Variants in DNAJC11 observed in about 807,000 individuals in gnomAD.
DNAJC11 encodes DnaJ heat shock protein family (Hsp40) member C11, also known as dnaJ homolog subfamily C member 11.
In DNAJC11, 15 loss-of-function variants were observed where a neutral mutation model predicts 78.6. The observed-to-expected ratio is 0.19, with a 90% confidence interval of 0.13 to 0.29. DNAJC11 has a LOEUF of 0.29. Ranked by LOEUF, DNAJC11 falls within the 10% of genes least tolerant of loss-of-function variation. The pLI is 1.00. For missense variants in DNAJC11, 547 were observed against 709.6 expected (o/e 0.77, Z 2.60); for synonymous variants, 292 against 272.1 (o/e 1.07, Z -0.72).
chr1:6,694,836 A>C (rs1280631726), intron 1 of DNAJC11, among the ~76,000 whole-genome samples: 2 of 151,184 alleles, frequency 1.3e-5, no homozygotes, highest in Non-Finnish European at 3.0e-5. Flanking sequence ...TTATCCAGGC[A>C]TGGTGGTGGG....
chr1:6,637,974 G>A (rs1360597429), intron 12 of DNAJC11: 5 of 386,192 alleles, frequency 1.3e-5, no homozygotes, highest in Non-Finnish European at 2.3e-5. Context: ...CCGCGCACAC[G>A]GCCCATGGCC....
At chr1:6,646,696 A>G (rs570698042) in intron 7 of DNAJC11, among the ~76,000 whole-genome samples, 54 of 152,250 alleles carry the variant, frequency 3.5e-4, no homozygotes, top group Admixed American at 3.9e-4. Context: ...GTCCAGCCCC[A>G]TCTTCTGGTT....
Position 6,635,503 on chromosome 1 carries a change from C to T in DNAJC11, c.*172G>A, listed in dbSNP as rs138818967. 7.1e-6 allele frequency: 5 copies of T among 699,840 alleles called. No homozygotes were observed. The highest frequency in any genetic ancestry group is 1.2e-5 in the Non-Finnish European group (5 of 422,308). 43.4% of individuals were successfully genotyped at this position (699,840 alleles called of 1,614,324 possible). ...GCTGCCTCAGTCCTACCCCCAGCACCCTCAAAAGCTGGGGTGTCTGCATGT... is the reference window on the plus strand; with the variant it reads ...GCTGCCTCAGTCCTACCCCCAGCACTCTCAAAAGCTGGGGTGTCTGCATGT... On this transcript the variant is annotated 3_prime_UTR_variant, in exon 16 of 16. Transcript: ENST00000377577.
At chr1:6,640,274 C>CA (rs982702911) in intron 10 of DNAJC11, among the ~76,000 whole-genome samples, 5 of 152,216 alleles carry the variant, frequency 3.3e-5, no homozygotes, top group African/African-American at 9.6e-5. Flanking sequence ...AGAAAGATCC[C>CA]AGTGTCTGCT....
At chr1:6,681,667 G>C (rs1642555167) in intron 1 of DNAJC11, among the ~76,000 whole-genome samples, 1 of 152,130 alleles carries the variant, frequency 6.6e-6, no homozygotes, top group Non-Finnish European at 1.5e-5. Flanking sequence ...TGAAGGTGTG[G>C]CACAAGGCAG....
At chr1:6,687,654 G>A (rs1275216015) in intron 1 of DNAJC11, among the ~76,000 whole-genome samples, 1 of 152,106 alleles carries the variant, frequency 6.6e-6, no homozygotes, top group African/African-American at 2.4e-5. Context: ...ACTGTGCCCG[G>A]CCACAGTTCC....
chr1:6,665,121 G>A (rs904663819), intron 4 of DNAJC11, among the ~76,000 whole-genome samples: 1 of 152,158 alleles, frequency 6.6e-6, no homozygotes, highest in Non-Finnish European at 1.5e-5. Flanking sequence ...CAGCTGGAGT[G>A]CAGTGGTGCA....
intron 10 of DNAJC11, among the ~76,000 whole-genome samples, chr1:6,641,102 T>C (rs535196833): frequency 6.6e-6 from 1 of 152,032 alleles, no homozygotes; most frequent in Admixed American, 6.6e-5. Context: ...CACTCAAAAC[T>C]TGGCCAGGCT....
chr1:6,681,476 G>C (rs1276915876), intron 1 of DNAJC11, among the ~76,000 whole-genome samples: 2 of 152,168 alleles, frequency 1.3e-5, no homozygotes, highest in Non-Finnish European at 2.9e-5. Flanking sequence ...ATGAATCCTT[G>C]AAATTCAAAG....
At chr1:6,700,919 C>T (rs780273956) in intron 1 of DNAJC11, among the ~76,000 whole-genome samples, 6 of 152,192 alleles carry the variant, frequency 3.9e-5, no homozygotes, top group Non-Finnish European at 8.8e-5. Flanking sequence ...CCTTCTCGCC[C>T]TTCACACCTA....
intron 1 of DNAJC11, among the ~76,000 whole-genome samples, chr1:6,684,227 C>A (rs1326283201): frequency 6.6e-6 from 1 of 152,046 alleles, no homozygotes; most frequent in Non-Finnish European, 1.5e-5. Context: ...ACTACAGGCG[C>A]ACGCCACCAT....
intron 4 of DNAJC11, among the ~76,000 whole-genome samples, chr1:6,661,369 G>A (rs891491753): frequency 3.3e-5 from 5 of 152,144 alleles, no homozygotes; most frequent in Admixed American, 2.6e-4. Flanking sequence ...TGTCCTCCCC[G>A]TATAAACAGT....
At position 6,634,352 on chromosome 1, in the gene DNAJC11, A is replaced by C; in HGVS notation, c.*1323T>G. The C allele has an allele frequency of 8.9e-7, 1 of 1,118,482 alleles. No homozygotes were observed. Among genetic ancestry groups the C allele is most frequent in the Non-Finnish European group, 1.2e-6 (1 of 832,102 alleles). 69.3% of individuals were successfully genotyped at this position (1,118,482 alleles called of 1,614,324 possible). A position where few individuals can be genotyped will look rare whatever the true frequency, so the allele number is the denominator to read the frequency against. On this transcript the variant is annotated 3_prime_UTR_variant, in exon 16 of 16. Coordinates refer to ENST00000377577, the MANE Select transcript of DNAJC11 (RefSeq NM_018198.4). ...GGGGCCGTCAGAGAAACCTTTTTAAAAAATGGAGATGAATGTTACAGAATT... is the reference window on the plus strand; with the variant it reads ...GGGGCCGTCAGAGAAACCTTTTTAACAAATGGAGATGAATGTTACAGAATT...
chr1:6,644,453 A>G (rs141874848), intron 10 of DNAJC11, 105 bp downstream of exon 10: 2 of 897,516 alleles, frequency 2.2e-6, no homozygotes, highest in African/African-American at 1.6e-5. Flanking sequence ...TGTCTTTAAG[A>G]ACAAAATTAC....
intron 1 of DNAJC11, among the ~76,000 whole-genome samples, chr1:6,700,024 G>T (rs1166722390): frequency 6.6e-6 from 1 of 152,144 alleles, no homozygotes; most frequent in African/African-American, 2.4e-5. Flanking sequence ...ATCCACAAAA[G>T]AAGTGAAAAT....
At chr1:6,688,905 T>C (rs1372164142) in intron 1 of DNAJC11, among the ~76,000 whole-genome samples, 1 of 152,228 alleles carries the variant, frequency 6.6e-6, no homozygotes, top group Non-Finnish European at 1.5e-5. Context: ...TAAGTACCAT[T>C]ATGTGCCTGG....
rs1256419708 is a variant in DNAJC11, at chr1:6,634,527, C to G, written c.*1148G>C. Reference sequence around the variant, plus strand: ...TTGGGGCCCCCCGCGCCAGCTGTCTCAGCCACCACCTGTGCGGCGCTTGCT... The same window carrying G: ...TTGGGGCCCCCCGCGCCAGCTGTCTGAGCCACCACCTGTGCGGCGCTTGCT... On this transcript the variant is annotated 3_prime_UTR_variant, in exon 16 of 16. Coordinates refer to ENST00000377577, the MANE Select transcript of DNAJC11 (RefSeq NM_018198.4). 5 of 1,361,662 alleles carry G rather than the reference C, an allele frequency of 3.7e-6. No homozygotes were observed. In the South Asian group the frequency reaches 5.8e-5, roughly 16 times the overall value. The allele number at this position is 1,361,662 out of a possible 1,614,324, so 84.3% of individuals were successfully genotyped here.
Position 6,680,394 on chromosome 1 carries a change from G to A in DNAJC11, c.202+514C>T, listed in dbSNP as rs1642533392. Among the ~76,000 whole-genome samples the A allele has an allele frequency of 6.6e-6, 1 of 152,134 alleles. No individual in the cohort carries two copies. Among genetic ancestry groups the A allele is most frequent in the African/African-American group, 2.4e-5 (1 of 41,428 alleles). The stretch of plus-strand genomic sequence containing the variant: ...ATATTTTATAAACAAATATATCACA[G>A]AATGTTCTTTCTGACATACATAAGA... On this transcript the variant is annotated intron_variant, in intron 2 of 15. Coordinates refer to ENST00000377577, the MANE Select transcript of DNAJC11 (RefSeq NM_018198.4). This position sits in a 1 kb window ranked among gnomAD's most constrained non-coding sequence, Gnocchi z 4.0.
chr1:6,685,057 G>A (rs2147881349), intron 1 of DNAJC11, among the ~76,000 whole-genome samples: 1 of 152,328 alleles, frequency 6.6e-6, no homozygotes, highest in Non-Finnish European at 1.5e-5. Context: ...AGGATCGCTT[G>A]AGGCCAGGAG....
Sources: gnomAD v4.1 joint callset for allele counts (sites outside exome capture counted in the v4.1 genomes callset) on GRCh38, gnomAD v4.1.1 for gene constraint, Gnocchi (gnomAD v3.1) non-coding constraint, MANE v1.5 for transcripts, NCBI Gene and HGNC (gene_info 2026-07-23, HGNC 2026-07-21) for gene names.